The following DLG2 variants were observed in gnomAD, a reference collection of about 807,000 sequenced individuals.
The protein encoded by DLG2 is discs large MAGUK scaffold protein 2.
In DLG2, 45 loss-of-function variants were observed where a neutral mutation model predicts 132.5. That is an observed-to-expected ratio of 0.34 (90% CI 0.27 to 0.44). The LOEUF (loss-of-function observed/expected upper bound fraction) is 0.44. DLG2 is among the 20% of genes least tolerant of loss of function. The probability of loss-of-function intolerance (pLI) is 1.00; values close to 1 mark genes in which losing one functional copy is unlikely to be tolerated. For synonymous variants in DLG2, 424 were observed against 419.6 expected, an observed-to-expected ratio of 1.01 and a Z score of -0.13; for missense variants, 1,045 against 1,196.9, an observed-to-expected ratio of 0.87 and a Z score of 1.87.
chr11:84,230,917 A>C (rs1021891628), intron 8 of DLG2, among the ~76,000 whole-genome samples: 3 of 152,178 alleles, frequency 2.0e-5, no homozygotes, highest in African/African-American at 4.8e-5. Context: ...AAAAAGAATA[A>C]ACTTCTTCAT....
chr11:85,435,326 G>T (rs2091418598), intron 3 of DLG2, among the ~76,000 whole-genome samples: 1 of 152,128 alleles, frequency 6.6e-6, no homozygotes, highest in South Asian at 2.1e-4. Flanking sequence ...TCAGGCAAGA[G>T]AAATAAATAA....
chr11:83,529,047 T>C (rs2095674659), intron 21 of DLG2, among the ~76,000 whole-genome samples: 1 of 152,108 alleles, frequency 6.6e-6, no homozygotes, highest in South Asian at 2.1e-4. Flanking sequence ...CAGATACTAA[T>C]TTAATCTAAG....
chr11:83,822,121 T>C (rs1036664284), intron 17 of DLG2, among the ~76,000 whole-genome samples: 4 of 152,176 alleles, frequency 2.6e-5, no homozygotes, highest in Admixed American at 6.5e-5. Context: ...TACTACAGTC[T>C]GGTCTTAACC....
intron 6 of DLG2, among the ~76,000 whole-genome samples, chr11:84,996,844 ATAC>A (rs1242413060): frequency 6.6e-6 from 1 of 152,206 alleles, no homozygotes; most frequent in Admixed American, 6.6e-5. Flanking sequence ...CTTTAAAATA[ATAC>A]TACATCAGAG....
chr11:84,434,112 C>T (rs567669871), intron 7 of DLG2, among the ~76,000 whole-genome samples: 4 of 134,616 alleles, frequency 3.0e-5, no homozygotes, highest in African/African-American at 1.3e-4. Flanking sequence ...CAGTGAGACT[C>T]CATCTCAAAA....
chr11:83,679,383 C>G (rs922822291), intron 18 of DLG2, among the ~76,000 whole-genome samples: 3 of 152,020 alleles, frequency 2.0e-5, no homozygotes, highest in Admixed American at 6.5e-5. Context: ...TGGCAAATAA[C>G]GTGGAAAGCT....
At chr11:83,493,580 T>TC (rs1565462763) in intron 21 of DLG2, among the ~76,000 whole-genome samples, 2 of 152,140 alleles carry the variant, frequency 1.3e-5, no homozygotes, top group Admixed American at 6.6e-5. Flanking sequence ...GAATACATGC[T>TC]CCAACTCCTT....
chr11:85,394,318 T>A lies in DLG2; in HGVS notation c.41-108953A>T, dbSNP rs537454550. Among the ~76,000 whole-genome samples, 104 of 152,360 alleles carry A rather than the reference T, an allele frequency of 6.8e-4. No individual in the cohort carries two copies. In the Middle Eastern group the frequency reaches 0.014, roughly 20 times the overall value. The stretch of plus-strand genomic sequence containing the variant: ...ATATATTTCATTTTTATTTGCCAAC[T>A]TTTTAAAAGTGAAAGATCTGCTTAA... On this transcript the variant is annotated intron_variant, in intron 3 of 27. Transcript: ENST00000376104.
intron 5 of DLG2, among the ~76,000 whole-genome samples, chr11:85,154,253 A>G (rs2077453173): frequency 6.6e-6 from 1 of 152,100 alleles, no homozygotes; most frequent in Admixed American, 6.6e-5. Context: ...TCTAGGTTAA[A>G]TGAAAGTATT....
rs575447204 is a variant in DLG2 at position 84,067,169 on chromosome 11, C to A, written c.750-7685G>T. 7.2e-5 allele frequency among the ~76,000 whole-genome samples: 11 copies of A among 152,018 alleles called. No individual in the cohort carries two copies. In the South Asian group the frequency reaches 2.1e-3, roughly 29 times the overall value. ...CCAACATGGTGAAACCCCATCTCTA[C>A]CAAAAATACAAAAAATTAGCCAGGC... On this transcript the variant is annotated intron_variant, in intron 10 of 27. Transcript: ENST00000376104.
At chr11:85,510,288 A>G (rs1300726220) in intron 3 of DLG2, among the ~76,000 whole-genome samples, 2 of 152,086 alleles carry the variant, frequency 1.3e-5, no homozygotes, top group Non-Finnish European at 2.9e-5. Flanking sequence ...GATAAGAAAT[A>G]TGTCTTAATC....
At chr11:84,515,774 G>T (rs904740926) in intron 7 of DLG2, among the ~76,000 whole-genome samples, 1 of 151,814 alleles carries the variant, frequency 6.6e-6, no homozygotes, top group Non-Finnish European at 1.5e-5. Context: ...TCTAACAGCT[G>T]CAGGATATAC....
At chr11:85,383,976 C>T (rs1262905227) in intron 3 of DLG2, among the ~76,000 whole-genome samples, 2 of 152,172 alleles carry the variant, frequency 1.3e-5, no homozygotes, top group Non-Finnish European at 2.9e-5. Flanking sequence ...GTTTGAAATG[C>T]CATTGCTTTT....
At chr11:83,528,840 C>T (rs970289717) in intron 21 of DLG2, among the ~76,000 whole-genome samples, 2 of 152,132 alleles carry the variant, frequency 1.3e-5, no homozygotes, top group African/African-American at 4.8e-5. Flanking sequence ...TCTTTTTGAG[C>T]CTGCCTGGTG....
At chr11:84,969,998 C>A (rs1019127787) in intron 6 of DLG2, among the ~76,000 whole-genome samples, 1 of 151,976 alleles carries the variant, frequency 6.6e-6, no homozygotes, top group Non-Finnish European at 1.5e-5. Flanking sequence ...AAGGGAACAT[C>A]ACATAACGGG....
intron 8 of DLG2, among the ~76,000 whole-genome samples, chr11:84,238,179 G>A (rs2097183367): frequency 6.6e-6 from 1 of 151,804 alleles, no homozygotes; most frequent in South Asian, 2.1e-4. Flanking sequence ...TATCCCTCAG[G>A]AACTGGCCCC....
chr11:84,854,144 A>G (rs2082487519), intron 6 of DLG2, among the ~76,000 whole-genome samples: 1 of 151,550 alleles, frequency 6.6e-6, no homozygotes, highest in African/African-American at 2.4e-5. Flanking sequence ...CATTAAGGAC[A>G]GAAATGTCTT....
At chr11:85,596,775 A>G (rs1417121867) in intron 3 of DLG2, among the ~76,000 whole-genome samples, 1 of 152,234 alleles carries the variant, frequency 6.6e-6, no homozygotes. Context: ...AGGATGCACA[A>G]GTCTACATGG....
intron 6 of DLG2, among the ~76,000 whole-genome samples, chr11:84,900,975 CCTTT>C (rs1388837803): frequency 6.6e-6 from 1 of 151,950 alleles, no homozygotes; most frequent in Admixed American, 6.6e-5. Context: ...TTCCTTCCAG[CCTTT>C]CTTTTATTCT....
Sources: allele counts gnomAD v4.1 joint callset (sites outside exome capture counted in the v4.1 genomes callset), GRCh38; gene constraint gnomAD v4.1.1; transcripts MANE v1.5; gene names NCBI Gene and HGNC (gene_info 2026-07-23, HGNC 2026-07-21).